The following PATL1 variants were observed in gnomAD, a reference collection of about 807,000 sequenced individuals.
PATL1 encodes protein PAT1 homolog 1.
A neutral mutation model predicts 100.6 loss-of-function variants in PATL1; 32 were observed. The ratio of observed to expected loss-of-function variants is 0.32; its 90% CI spans 0.24 to 0.43. The LOEUF (loss-of-function observed/expected upper bound fraction) is 0.43. Ranked by LOEUF, PATL1 falls within the 20% of genes least tolerant of loss-of-function variation. The pLI, the probability that PATL1 is intolerant of heterozygous loss-of-function variation, is 1.00. For synonymous variants in PATL1, 332 were observed against 330.0 expected (o/e 1.01, Z -0.07); for missense variants, 747 against 949.9 (o/e 0.79, Z 2.81).
At chr11:59,661,046 T>C (rs919046995) in intron 2 of PATL1, among the ~76,000 whole-genome samples, 2 of 152,176 alleles carry the variant, frequency 1.3e-5, no homozygotes, top group Non-Finnish European at 2.9e-5. Flanking sequence ...CCATTCTGCT[T>C]CCATCATGAA....
intron 16 of PATL1, among the ~76,000 whole-genome samples, chr11:59,640,743 G>A (rs897101237): frequency 6.7e-6 from 1 of 148,688 alleles, no homozygotes; most frequent in African/African-American, 2.5e-5. Flanking sequence ...AAATGAACAG[G>A]GGGCTGGGGA....
At chr11:59,649,895 G>A (rs1861417473) in intron 13 of PATL1, among the ~76,000 whole-genome samples, 1 of 152,086 alleles carries the variant, frequency 6.6e-6, no homozygotes, top group African/African-American at 2.4e-5. Context: ...GCTGAGATGG[G>A]CGGATCACGT....
chr11:59,668,815 G>T (rs985647633), intron 1 of PATL1, 66 bp downstream of exon 1: 99 of 897,322 alleles, frequency 1.1e-4, no homozygotes, highest in Admixed American at 2.6e-4. Context: ...ACCGGCGCGC[G>T]GAGAGAGAGT....
At chr11:59,648,281 G>C (rs1861392453) in intron 14 of PATL1, among the ~76,000 whole-genome samples, 1 of 149,932 alleles carries the variant, frequency 6.7e-6, no homozygotes, top group Non-Finnish European at 1.5e-5. Context: ...CACCTCCTGG[G>C]TTCAAGTGAT....
At chr11:59,638,520 G>T in intron 18 of PATL1, 109 bp from the exon 19 acceptor site, 1 of 1,038,226 alleles carries the variant, frequency 9.6e-7, no homozygotes, top group Non-Finnish European at 1.5e-6. Flanking sequence ...CAAAATACCC[G>T]AGATTATTTC....
chr11:59,656,160 C>G, intron 6 of PATL1, 115 bp from the exon 7 acceptor site: 2 of 608,666 alleles, frequency 3.3e-6, no homozygotes, highest in Non-Finnish European at 5.4e-6. Context: ...TCTCAAATTA[C>G]AGAGTCAAGC....
intron 1 of PATL1, among the ~76,000 whole-genome samples, chr11:59,668,281 G>A (rs1309922942): frequency 1.3e-5 from 2 of 152,126 alleles, no homozygotes; most frequent in Non-Finnish European, 2.9e-5. Flanking sequence ...CTACATTCCC[G>A]GCACCTTCTC....
chr11:59,668,780 G>A (rs1165176749), intron 1 of PATL1, 101 bp downstream of exon 1: 2 of 617,612 alleles, frequency 3.2e-6, no homozygotes, highest in African/African-American at 1.9e-5. Context: ...CCCCCAGCCC[G>A]CCCCCTGCCC....
At chr11:59,643,963 C>T (rs558985927) in intron 15 of PATL1, among the ~76,000 whole-genome samples, 1 of 152,220 alleles carries the variant, frequency 6.6e-6, no homozygotes, top group East Asian at 1.9e-4. Context: ...TAGGTTATAA[C>T]ACAACAAAGG....
chr11:59,647,298 G>A (rs1443291574), intron 15 of PATL1, among the ~76,000 whole-genome samples: 5 of 151,094 alleles, frequency 3.3e-5, no homozygotes, highest in Admixed American at 2.6e-4. Context: ...AAGTCTACAG[G>A]CTAATGTTAA....
intron 15 of PATL1, among the ~76,000 whole-genome samples, chr11:59,643,793 GAGAATCTATAAAGTGATCAGAAACTC>G (rs1486805668): frequency 6.6e-6 from 1 of 152,116 alleles, no homozygotes; most frequent in Non-Finnish European, 1.5e-5. Context: ...TAGATTTTTA[GAGAATCTATAAAGTGATCAGAAACTC>G]AGTGTTTGGA....
At chr11:59,649,080 T>C (rs567262813) in intron 14 of PATL1, among the ~76,000 whole-genome samples, 153 of 152,336 alleles carry the variant, frequency 1.0e-3, no homozygotes, top group African/African-American at 3.2e-3. Flanking sequence ...TATAAATGTT[T>C]GTACATCTGA....
intron 15 of PATL1, 57 bp from the exon 16 acceptor site, chr11:59,643,092 C>T: frequency 6.4e-7 from 1 of 1,559,328 alleles, no homozygotes; most frequent in Non-Finnish European, 8.7e-7. Context: ...AGTTACCCCC[C>T]ACCAGGGGCA....
rs1371744966 is a variant in PATL1, at chr11:59,638,035, C to CT, written c.*354dup. The CT allele has an allele frequency of 3.7e-6, 1 of 271,638 alleles. No individual in the cohort carries two copies. The highest frequency in any genetic ancestry group is 2.1e-5 in the African/African-American group (1 of 46,568). 16.8% of individuals were successfully genotyped at this position (271,638 alleles called of 1,614,324 possible). A position where few individuals can be genotyped will look rare whatever the true frequency, so the allele number is the denominator to read the frequency against. ...CTTCAATAGGATGAGGGAAGGAATC[C>CT]TTTGGCAGGCTACAATCTACTCTGA... On this transcript the variant is annotated 3_prime_UTR_variant, in exon 19 of 19. Transcript: ENST00000300146.
chr11:59,644,411 A>G (rs2134739363), intron 15 of PATL1, among the ~76,000 whole-genome samples: 1 of 152,280 alleles, frequency 6.6e-6, no homozygotes, highest in East Asian at 1.9e-4. Flanking sequence ...CTTTAAAAAT[A>G]TCTTTTAGCA....
At chr11:59,660,380 T>G (rs1393462682) in intron 2 of PATL1, among the ~76,000 whole-genome samples, 1 of 152,170 alleles carries the variant, frequency 6.6e-6, no homozygotes, top group African/African-American at 2.4e-5. Context: ...GCATAATGAT[T>G]AGATACTATA....
chr11:59,650,942 T>A, intron 12 of PATL1, 129 bp from the exon 13 acceptor site: 1 of 660,796 alleles, frequency 1.5e-6, no homozygotes, highest in Non-Finnish European at 2.5e-6. Flanking sequence ...GTTAATAATC[T>A]AAAACAACCC....
chr11:59,645,806 T>A (rs970580891), intron 15 of PATL1, among the ~76,000 whole-genome samples: 1 of 152,222 alleles, frequency 6.6e-6, no homozygotes, highest in Non-Finnish European at 1.5e-5. Context: ...GACAGGACTC[T>A]AGTAATCTAT....
rs750390194 is a variant in PATL1, at chr11:59,656,052, TAA to T, written c.724-9_724-8del. Reference sequence around the variant, plus strand: ...GACCCAGGAGGGAAGAGTTCTAAGGTAAAAAAAAAAAAAAAAAAAAGAATATG... The same window carrying T: ...GACCCAGGAGGGAAGAGTTCTAAGGTAAAAAAAAAAAAAAAAAAGAATATG... On this transcript the variant is annotated splice_polypyrimidine_tract_variant and splice_region_variant and intron_variant, in intron 6 of 18. Transcript: ENST00000300146. The T allele has an allele frequency of 0.12, 88,611 of 735,826 alleles. No homozygotes were observed. The highest frequency in any genetic ancestry group is 0.15 in the East Asian group (3,807 of 26,156). The allele number at this position is 735,826 out of a possible 1,614,324, so 45.6% of individuals were successfully genotyped here. A position where few individuals can be genotyped will look rare whatever the true frequency, so the allele number is the denominator to read the frequency against.
Sources: gnomAD v4.1 joint callset for allele counts (sites outside exome capture counted in the v4.1 genomes callset) on GRCh38, gnomAD v4.1.1 for gene constraint, MANE v1.5 for transcripts, NCBI Gene and HGNC (gene_info 2026-07-23, HGNC 2026-07-21) for gene names.